The following GPHN variants were observed in gnomAD, a reference collection of about 807,000 sequenced individuals.
GPHN encodes gephyrin.
In GPHN, 17 loss-of-function variants were observed where a neutral mutation model predicts 95.5. The ratio of observed to expected loss-of-function variants is 0.18; its 90% confidence interval spans 0.12 to 0.27. GPHN has a LOEUF of 0.27. GPHN is among the 10% of genes least tolerant of loss of function. GPHN has a pLI of 1.00. For synonymous variants in GPHN, 320 were observed against 322.5 expected (o/e 0.99, Z 0.08); for missense variants, 660 against 978.1 (o/e 0.67, Z 4.34).
At chr14:66,591,083 A>G (rs2061622734) in intron 1 of GPHN, among the ~76,000 whole-genome samples, 1 of 152,242 alleles carries the variant, frequency 6.6e-6, no homozygotes. Flanking sequence ...AGATGCAGAA[A>G]AGGCCTCCGA....
the GPHN span, among the ~76,000 whole-genome samples, chr14:67,192,697 T>G: frequency 1.3e-5 from 2 of 151,628 alleles, no homozygotes; most frequent in East Asian, 3.9e-4. Context: ...ACACCATGAT[T>G]GATAGCTGCT....
At chr14:67,532,926 C>T in the GPHN span, among the ~76,000 whole-genome samples, 4 of 152,002 alleles carry the variant, frequency 2.6e-5, no homozygotes, top group African/African-American at 9.7e-5. Flanking sequence ...CCCCGGGGCG[C>T]TCTGGCCACC....
At chr14:67,035,902 A>G (rs2074397701) in intron 10 of GPHN, among the ~76,000 whole-genome samples, 1 of 151,778 alleles carries the variant, frequency 6.6e-6, no homozygotes, top group Admixed American at 6.6e-5. Context: ...TCCAAAATAA[A>G]TTTATTAGGC....
At chr14:66,805,514 C>A (rs965669467) in intron 3 of GPHN, among the ~76,000 whole-genome samples, 3 of 152,182 alleles carry the variant, frequency 2.0e-5, no homozygotes, top group Non-Finnish European at 1.5e-5. Context: ...CAAGTCAAGT[C>A]CCTTCTGCCT....
At chr14:67,469,792 G>A in the GPHN span, among the ~76,000 whole-genome samples, 10 of 152,262 alleles carry the variant, frequency 6.6e-5, no homozygotes, top group East Asian at 1.7e-3. Flanking sequence ...TTTTTTCGAA[G>A]CATGACTTTC....
Position 67,117,920 on chromosome 14 carries a change from C to G in GPHN, c.1627-4336C>G, listed in dbSNP as rs78635722. ...AAATACAGTATAACCAATAATATAA[C>G]TGGTGGCAAGAGTTCCTGCCTAAGT... is the stretch of plus-strand genomic sequence containing the variant. On this transcript the variant is annotated intron_variant, in intron 16 of 22. Coordinates refer to ENST00000478722, the MANE Select transcript of GPHN (RefSeq NM_020806.5). Among the ~76,000 whole-genome samples, 884 of 152,196 alleles carry G rather than the reference C, an allele frequency of 5.8e-3. 5 individuals are homozygous for G. Among genetic ancestry groups the G allele is most frequent in the Admixed American group, 9.9e-3 (152 of 15,284 alleles).
At chr14:67,454,234 T>C in the GPHN span, 1 of 152,252 alleles carries the variant, frequency 6.6e-6, no homozygotes, top group Non-Finnish European at 1.5e-5. Flanking sequence ...CTTAGAACAA[T>C]GCTTGACACA....
At position 66,889,511 on chromosome 14, in the gene GPHN, T is replaced by TA. The variant is rs568984283; in HGVS notation, c.389+9479dup. 1.5e-3 allele frequency among the ~76,000 whole-genome samples: 229 copies of TA among 152,122 alleles called. 8 individuals are homozygous for TA. In the South Asian group the frequency reaches 0.046, roughly 31 times the overall value. ...TATGTGAAAATTAAACACACTCAAA[T>TA]AGCCAATAAGTTAAAGAAGAAATCA... On this transcript the variant is annotated intron_variant, in intron 5 of 22. Coordinates refer to ENST00000478722, the MANE Select transcript of GPHN (RefSeq NM_020806.5).
chr14:67,299,708 A>G, the GPHN span, among the ~76,000 whole-genome samples: 2 of 152,230 alleles, frequency 1.3e-5, no homozygotes, highest in East Asian at 3.8e-4. Flanking sequence ...ATAGGTTAGT[A>G]GGGCAGTGGG....
chr14:67,689,620 C>T, the GPHN span, among the ~76,000 whole-genome samples: 5 of 152,030 alleles, frequency 3.3e-5, no homozygotes, highest in Admixed American at 1.3e-4. Flanking sequence ...GTGAAGTAGT[C>T]CCATTTACAT....
chr14:66,847,859 C>T (rs953561748), intron 4 of GPHN, among the ~76,000 whole-genome samples: 5 of 151,982 alleles, frequency 3.3e-5, no homozygotes, highest in African/African-American at 1.2e-4. Context: ...TCTTCTCCCC[C>T]TATTTGCCCT....
the GPHN span, chr14:67,569,122 A>C: frequency 6.3e-7 from 1 of 1,591,052 alleles, no homozygotes; most frequent in Non-Finnish European, 8.6e-7. Flanking sequence ...GAGCTTCCTG[A>C]GACCTCTTGT....
chr14:67,566,515 C>CTGCCTCCCACTTCTTG, the GPHN span, among the ~76,000 whole-genome samples: 1 of 152,110 alleles, frequency 6.6e-6, no homozygotes, highest in Non-Finnish European at 1.5e-5. Context: ...GAGGCAGAAG[C>CTGCCTCCCACTTCTTG]AGGTAGACTG....
chr14:66,612,913 C>T (rs1201020832), intron 1 of GPHN, among the ~76,000 whole-genome samples: 1 of 152,062 alleles, frequency 6.6e-6, no homozygotes, highest in East Asian at 1.9e-4. Flanking sequence ...CTATTCCATT[C>T]TGTGACTGTT....
intron 4 of GPHN, among the ~76,000 whole-genome samples, chr14:66,870,617 A>G (rs995052690): frequency 6.6e-6 from 1 of 152,218 alleles, no homozygotes; most frequent in African/African-American, 2.4e-5. Flanking sequence ...ATACATAAAT[A>G]CAACAGAATT....
chr14:67,628,640 C>A, the GPHN span, among the ~76,000 whole-genome samples: 1 of 152,192 alleles, frequency 6.6e-6, no homozygotes, highest in Admixed American at 6.5e-5. Flanking sequence ...CTGTGCTAGG[C>A]ATTTGCTATT....
the GPHN span, among the ~76,000 whole-genome samples, chr14:67,357,549 C>T: frequency 6.6e-6 from 1 of 152,174 alleles, no homozygotes; most frequent in Non-Finnish European, 1.5e-5. Context: ...TCTATTTTTG[C>T]CTCTTAGTCT....
chr14:67,240,605 A>G, the GPHN span, among the ~76,000 whole-genome samples: 28 of 152,214 alleles, frequency 1.8e-4, no homozygotes, highest in Non-Finnish European at 3.8e-4. Context: ...CTTTTATTGC[A>G]AGTGTCGAGA....
the GPHN span, among the ~76,000 whole-genome samples, chr14:67,249,628 C>T: frequency 6.6e-6 from 1 of 152,204 alleles, no homozygotes; most frequent in African/African-American, 2.4e-5. Context: ...AATTATGTGT[C>T]TATAGTTATC....
Sources: allele counts gnomAD v4.1 joint callset (sites outside exome capture counted in the v4.1 genomes callset), GRCh38; gene constraint gnomAD v4.1.1; transcripts MANE v1.5; gene names NCBI Gene and HGNC (gene_info 2026-07-23, HGNC 2026-07-21).